Variants in ST3GAL4 observed in about 807,000 individuals in gnomAD.
ST3GAL4 encodes ST3 beta-galactoside alpha-2,3-sialyltransferase 4.
In ST3GAL4, 24 loss-of-function variants were observed where a neutral mutation model predicts 42.6. The observed-to-expected ratio is 0.56, with a 90% CI of 0.41 to 0.79. The LOEUF is 0.79. Among genes scored for constraint, ST3GAL4 ranks in the 30% least tolerant of loss-of-function variants. The pLI, the probability that ST3GAL4 is intolerant of heterozygous loss-of-function variation, is 0.00. For synonymous variants in ST3GAL4, 135 were observed against 163.2 expected (o/e 0.83, Z 1.32); for missense variants, 311 against 430.8 (o/e 0.72, Z 2.46).
rs67537558 is a variant in ST3GAL4, at chr11:126,411,152, G to GT, written c.771+1752dup. Among the ~76,000 whole-genome samples the GT allele has an allele frequency of 7.0e-4, 103 of 148,136 alleles. 1 individual carries two copies. Among genetic ancestry groups the GT allele is most frequent in the South Asian group, 1.7e-3 (8 of 4,674 alleles). On this transcript the variant is annotated intron_variant, in intron 9 of 10. Coordinates refer to ENST00000444328, the MANE Select transcript of ST3GAL4 (RefSeq NM_001254757.2). This position sits in a 1 kb window ranked among gnomAD's most constrained non-coding sequence, Gnocchi z 6.3. The stretch of plus-strand genomic sequence containing the variant: ...AGATGGACTCAACATTGTGTTGGTT[G>GT]TTTTTTTTTTTGAGATGGAGTCTTG...
rs974640302 is a variant in ST3GAL4 at position 126,359,631 on chromosome 11, G to A, written c.-61+3789G>A. On this transcript the variant is annotated intron_variant, in intron 1 of 10. Coordinates refer to ENST00000444328, the MANE Select transcript of ST3GAL4 (RefSeq NM_001254757.2). This position sits in a 1 kb window ranked among gnomAD's most constrained non-coding sequence, Gnocchi z 4.8. ...GGAACACAAACCCTGACCTCTGAGT[G>A]CTCTCCCGAACCCCACATCCCGGCC... is the stretch of plus-strand genomic sequence containing the variant. 1.3e-5 allele frequency among the ~76,000 whole-genome samples: 2 copies of A among 152,196 alleles called. No homozygotes were observed. Among genetic ancestry groups the A allele is most frequent in the African/African-American group, 2.4e-5 (1 of 41,448 alleles).
chr11:126,396,750 A>G lies in ST3GAL4; in HGVS notation c.-60-9346A>G, dbSNP rs1447325294. ...TGTGGAGGTTCTGGCTGAAGGAGCCAGAATTCCAGTGCCAGCTCCACTCCT... is the reference window on the plus strand; with the variant it reads ...TGTGGAGGTTCTGGCTGAAGGAGCCGGAATTCCAGTGCCAGCTCCACTCCT... On this transcript the variant is annotated intron_variant, in intron 1 of 10. Coordinates refer to ENST00000444328, the MANE Select transcript of ST3GAL4 (RefSeq NM_001254757.2). The surrounding 1 kb of genome is among the most constrained non-coding windows in gnomAD (Gnocchi z 5.8). 3.3e-5 allele frequency among the ~76,000 whole-genome samples: 5 copies of G among 149,842 alleles called. No individual in the cohort carries two copies. Among genetic ancestry groups the G allele is most frequent in the African/African-American group, 9.8e-5 (4 of 40,788 alleles).
At chr11:126,401,994 G>C (rs1565419488) in intron 1 of ST3GAL4, among the ~76,000 whole-genome samples, 1 of 151,794 alleles carries the variant, frequency 6.6e-6, no homozygotes, top group Non-Finnish European at 1.5e-5. Flanking sequence ...AATAGAGAAG[G>C]AGAGGTGGGA....
chr11:126,360,903 C>G (rs564903320), intron 1 of ST3GAL4, among the ~76,000 whole-genome samples: 18 of 152,296 alleles, frequency 1.2e-4, no homozygotes, highest in African/African-American at 3.4e-4. Flanking sequence ...AAAAGTTTCC[C>G]TTTTGCCAGT....
chr11:126,406,733 T>C lies in ST3GAL4; in HGVS notation c.101+176T>C, dbSNP rs1029955422. 18 of 750,214 alleles carry C rather than the reference T, an allele frequency of 2.4e-5. No homozygotes were observed. The African/African-American group carries it at 3.2e-4, about 13-fold the overall frequency. 46.5% of individuals were successfully genotyped at this position (750,214 alleles called of 1,614,324 possible). A position where few individuals can be genotyped will look rare whatever the true frequency, so the allele number is the denominator to read the frequency against. Reference sequence around the variant, plus strand: ...CATGAGGGTGGGTGGGGGTAGGGCCTGGGATGTCTCACTGGGCCCTCACCC... The same window carrying C: ...CATGAGGGTGGGTGGGGGTAGGGCCCGGGATGTCTCACTGGGCCCTCACCC... On this transcript the variant is annotated intron_variant, in intron 3 of 10. Transcript: ENST00000444328. This position sits in a 1 kb window ranked among gnomAD's most constrained non-coding sequence, Gnocchi z 5.4.
intron 1 of ST3GAL4, among the ~76,000 whole-genome samples, chr11:126,361,273 C>T (rs1289204304): frequency 2.0e-5 from 3 of 152,200 alleles, no homozygotes; most frequent in Non-Finnish European, 4.4e-5. Flanking sequence ...ACATTTGCCT[C>T]CTCCTGAACA....
At chr11:126,382,970 G>A (rs1321925022) in intron 1 of ST3GAL4, among the ~76,000 whole-genome samples, 2 of 152,260 alleles carry the variant, frequency 1.3e-5, no homozygotes, top group African/African-American at 2.4e-5. Flanking sequence ...GGTGGGCTGA[G>A]AGGACAGTCC....
intron 6 of ST3GAL4, 39 bp from the exon 7 acceptor site, chr11:126,408,060 A>C (rs1337145805): frequency 6.2e-7 from 1 of 1,603,874 alleles, no homozygotes; most frequent in Admixed American, 1.7e-5. Context: ...CCTGGGTTAG[A>C]GTGTGGGGTG....
chr11:126,412,390 A>C (rs1397384637), intron 9 of ST3GAL4, among the ~76,000 whole-genome samples: 2 of 152,234 alleles, frequency 1.3e-5, no homozygotes, highest in Non-Finnish European at 2.9e-5. Flanking sequence ...GGGTATGGGC[A>C]GCTGAAATTG....
At position 126,410,504 on chromosome 11, in the gene ST3GAL4, A is replaced by G. The variant is rs2135559203; in HGVS notation, c.771+1093A>G. Among the ~76,000 whole-genome samples, 1 of 152,378 alleles carries G rather than the reference A, an allele frequency of 6.6e-6. No homozygotes were observed. Among genetic ancestry groups the G allele is most frequent in the Admixed American group, 6.5e-5 (1 of 15,314 alleles). On this transcript the variant is annotated intron_variant, in intron 9 of 10. Transcript: ENST00000444328. The surrounding 1 kb of genome is among the most constrained non-coding windows in gnomAD (Gnocchi z 5.3). Reference sequence around the variant, plus strand: ...TTGCCTGTGTGGTGGGATAATATCCATAATGACCTTTTAAGGCTGTTGTAG... The same window carrying G: ...TTGCCTGTGTGGTGGGATAATATCCGTAATGACCTTTTAAGGCTGTTGTAG...
chr11:126,406,840 G>T lies in ST3GAL4; in HGVS notation c.102-103G>T. 8.9e-7 allele frequency: 1 copy of T among 1,127,218 alleles called. No individual in the cohort carries two copies. The highest frequency in any genetic ancestry group is 1.3e-5 in the South Asian group (1 of 74,446). 69.8% of individuals were successfully genotyped at this position (1,127,218 alleles called of 1,614,324 possible). A position where few individuals can be genotyped will look rare whatever the true frequency, so the allele number is the denominator to read the frequency against. On this transcript the variant is annotated intron_variant, in intron 3 of 10. Transcript: ENST00000444328. The surrounding 1 kb of genome is among the most constrained non-coding windows in gnomAD (Gnocchi z 5.4). Reference sequence around the variant, plus strand: ...CTTAACTTGAGATGATTCCTCCCCGGCACCTTGGGACCTTCATGCCGTGGG... The same window carrying T: ...CTTAACTTGAGATGATTCCTCCCCGTCACCTTGGGACCTTCATGCCGTGGG...
intron 1 of ST3GAL4, among the ~76,000 whole-genome samples, chr11:126,362,579 G>A (rs145987341): frequency 1.3e-5 from 2 of 152,296 alleles, no homozygotes; most frequent in African/African-American, 4.8e-5. Context: ...ATGCTGGCTG[G>A]TGTGCTTTTC....
At chr11:126,385,338 G>A (rs1259395246) in intron 1 of ST3GAL4, among the ~76,000 whole-genome samples, 1 of 151,780 alleles carries the variant, frequency 6.6e-6, no homozygotes, top group African/African-American at 2.4e-5. Flanking sequence ...ATTTTTAGTA[G>A]AGACAGGGTT....
In ST3GAL4 at chr11:126,366,490, A is replaced by G. The variant is rs1952430784; in HGVS notation, c.-61+10648A>G. ...GGAGAAGCCTGTGTAGGTTACTGAC[A>G]TGGGGAGGGGTGGGGCTTGCTTTCC... On this transcript the variant is annotated intron_variant, in intron 1 of 10. Coordinates refer to ENST00000444328, the MANE Select transcript of ST3GAL4 (RefSeq NM_001254757.2). The surrounding 1 kb of genome is among the most constrained non-coding windows in gnomAD (Gnocchi z 4.2). 6.6e-6 allele frequency among the ~76,000 whole-genome samples: 1 copy of G among 152,066 alleles called. No individual in the cohort carries two copies. Among genetic ancestry groups the G allele is most frequent in the African/African-American group, 2.4e-5 (1 of 41,476 alleles).
At chr11:126,356,071 C>G (rs1180576179) in intron 1 of ST3GAL4, 4 of 152,310 alleles carry the variant, frequency 2.6e-5, no homozygotes, top group African/African-American at 9.6e-5. Flanking sequence ...CCTCTCCGTT[C>G]CCTTGGAGTG....
rs1426127328 is a variant in ST3GAL4, at chr11:126,373,064, C to T, written c.-61+17222C>T. The stretch of plus-strand genomic sequence containing the variant: ...TTCAAGTATTTGTTGATTACATGCA[C>T]TGTACCTGACTTGTTTAAAGCCTGA... On this transcript the variant is annotated intron_variant, in intron 1 of 10. Transcript: ENST00000444328. The surrounding 1 kb of genome is among the most constrained non-coding windows in gnomAD (Gnocchi z 5.5). 6.6e-6 allele frequency among the ~76,000 whole-genome samples: 1 copy of T among 152,210 alleles called. No homozygotes were observed. The highest frequency in any genetic ancestry group is 2.4e-5 in the African/African-American group (1 of 41,460).
intron 1 of ST3GAL4, among the ~76,000 whole-genome samples, chr11:126,394,682 C>T (rs1029336250): frequency 6.6e-6 from 1 of 152,144 alleles, no homozygotes; most frequent in African/African-American, 2.4e-5. Flanking sequence ...TCCTCGGCCT[C>T]TCAAAGTGCT....
chr11:126,358,568 C>A (rs564130558), intron 1 of ST3GAL4: 1 of 420,022 alleles, frequency 2.4e-6, no homozygotes, highest in East Asian at 7.8e-5. Context: ...TGTAGCTTCA[C>A]GTGAGAGCAG....
At position 126,359,748 on chromosome 11, in the gene ST3GAL4, C is replaced by T. The variant is rs774215014; in HGVS notation, c.-61+3906C>T. Among the ~76,000 whole-genome samples the T allele has an allele frequency of 3.3e-5, 5 of 152,174 alleles. No homozygotes were observed. Among genetic ancestry groups the T allele is most frequent in the African/African-American group, 4.8e-5 (2 of 41,444 alleles). On this transcript the variant is annotated intron_variant, in intron 1 of 10. Coordinates refer to ENST00000444328, the MANE Select transcript of ST3GAL4 (RefSeq NM_001254757.2). This position sits in a 1 kb window ranked among gnomAD's most constrained non-coding sequence, Gnocchi z 4.8. ...TTCTCCCTCCCTCCTTCCCTCCTTC[C>T]CTCCTTCCCTCCTTCCCCGTGGGCC... is the stretch of plus-strand genomic sequence containing the variant.
Sources: gnomAD v4.1 joint callset for allele counts (sites outside exome capture counted in the v4.1 genomes callset) on GRCh38, gnomAD v4.1.1 for gene constraint, Gnocchi (gnomAD v3.1) non-coding constraint, MANE v1.5 for transcripts, NCBI Gene and HGNC (gene_info 2026-07-23, HGNC 2026-07-21) for gene names.